INVS: variants seen among roughly 807,000 people sequenced by gnomAD.
INVS encodes inversion of embryo turning homolog.
In INVS, 86 loss-of-function variants were observed where a neutral mutation model predicts 108.8. The observed-to-expected ratio is 0.79, with a 90% CI of 0.66 to 0.95. The LOEUF is 0.95. INVS is among the 40% of genes least tolerant of loss of function. The pLI is 0.00. For missense variants in INVS, 1,169 were observed against 1,297.4 expected (o/e 0.90, Z 1.52); for synonymous variants, 455 against 473.5 (o/e 0.96, Z 0.51).
At chr9:100,124,965 G>C (rs1827839553) in intron 2 of INVS, among the ~76,000 whole-genome samples, 1 of 152,130 alleles carries the variant, frequency 6.6e-6, no homozygotes, top group Non-Finnish European at 1.5e-5. Context: ...AGATCTTGCA[G>C]GGCTCTTCTG....
chr9:100,159,993 C>G (rs965761660), intron 3 of INVS, among the ~76,000 whole-genome samples: 6 of 152,134 alleles, frequency 3.9e-5, no homozygotes. Context: ...TGATTTCTAA[C>G]CAGGGTAGCC....
chr9:100,104,687 G>T lies in INVS; in HGVS notation c.106+60G>T, dbSNP rs531697513. On this transcript the variant is annotated intron_variant, in intron 2 of 16. Coordinates refer to ENST00000262457, the MANE Select transcript of INVS (RefSeq NM_014425.5). ...GCAACTGTTTGTCCTGAGGAAGTTT[G>T]TTAATGTTAGTTTTAATTTGCAATG... The T allele has an allele frequency of 6.4e-6, 7 of 1,100,084 alleles. No homozygotes were observed. In the African/African-American group the frequency reaches 7.7e-5, roughly 12 times the overall value. 68.1% of individuals were successfully genotyped at this position (1,100,084 alleles called of 1,614,324 possible). A position where few individuals can be genotyped will look rare whatever the true frequency, so the allele number is the denominator to read the frequency against.
At chr9:100,189,036 T>G (rs1245374237) in intron 3 of INVS, among the ~76,000 whole-genome samples, 1 of 151,834 alleles carries the variant, frequency 6.6e-6, no homozygotes, top group African/African-American at 2.4e-5. Flanking sequence ...GATGTCTTTT[T>G]GTATTTCTGT....
intron 3 of INVS, among the ~76,000 whole-genome samples, chr9:100,156,931 CAT>C (rs35535555): frequency 1.6e-5 from 2 of 124,552 alleles, no homozygotes; most frequent in Non-Finnish European, 3.4e-5. Context: ...TGTATATATA[CAT>C]ATATATATAT....
chr9:100,293,997 G>A (rs915452343), intron 14 of INVS, among the ~76,000 whole-genome samples: 1 of 152,060 alleles, frequency 6.6e-6, no homozygotes. Context: ...GCCAAACTCC[G>A]TCTCTACAAA....
At chr9:100,240,757 T>C (rs1184319006) in intron 6 of INVS, among the ~76,000 whole-genome samples, 3 of 152,156 alleles carry the variant, frequency 2.0e-5, no homozygotes, top group African/African-American at 7.2e-5. Context: ...TACCCATTAA[T>C]AGTCATTGTT....
At chr9:100,161,364 CAAAAAAAAAAAAAAAAAAA>C (rs35392930) in intron 3 of INVS, among the ~76,000 whole-genome samples, 6 of 12,370 alleles carry the variant, frequency 4.9e-4, no homozygotes, top group Non-Finnish European at 9.5e-4. Context: ...ACTTCCATCT[CAAAAAAAAAAAAAAAAAAA>C]AAAAAAAAAC....
intron 5 of INVS, among the ~76,000 whole-genome samples, chr9:100,236,176 G>A (rs1211420096): frequency 6.6e-6 from 1 of 152,046 alleles, no homozygotes; most frequent in African/African-American, 2.4e-5. Flanking sequence ...TATGCTTCAC[G>A]AAGTTCTCGT....
Position 100,108,998 on chromosome 9 carries a change from TA to T in INVS, c.106+4372del, listed in dbSNP as rs1336712834. Among the ~76,000 whole-genome samples, 3 of 152,366 alleles carry T rather than the reference TA, an allele frequency of 2.0e-5. No individual in the cohort carries two copies. In the East Asian group the frequency reaches 5.8e-4, roughly 29 times the overall value. On this transcript the variant is annotated intron_variant, in intron 2 of 16. Transcript: ENST00000262457. The stretch of plus-strand genomic sequence containing the variant: ...CATACATAGTAAAATCTGAATATGC[TA>T]TGGTTCTCATTTATAGATATTTAGC...
chr9:100,253,683 C>T (rs370698788), intron 10 of INVS, among the ~76,000 whole-genome samples: 4 of 151,974 alleles, frequency 2.6e-5, no homozygotes, highest in Admixed American at 1.3e-4. Flanking sequence ...TCTGTCCTTG[C>T]GATAGTTTGC....
At position 100,100,920 on chromosome 9, in the gene INVS, A is replaced by G. The variant is rs1247910226; in HGVS notation, c.-25+1504A>G. On this transcript the variant is annotated intron_variant, in intron 1 of 16. Coordinates refer to ENST00000262457, the MANE Select transcript of INVS (RefSeq NM_014425.5). Reference sequence around the variant, plus strand: ...TTATATATGTATATATATTATATGTATATATATAATATATATAATATATAT... The same window carrying G: ...TTATATATGTATATATATTATATGTGTATATATAATATATATAATATATAT... 7.3e-4 allele frequency among the ~76,000 whole-genome samples: 15 copies of G among 20,508 alleles called. 1 individual carries two copies. The highest frequency in any genetic ancestry group is 6.9e-3 in the African/African-American group (14 of 2,018). 13.5% of individuals were successfully genotyped at this position (20,508 alleles called of 152,430 possible).
At chr9:100,203,072 C>G (rs1048085027) in intron 3 of INVS, among the ~76,000 whole-genome samples, 5 of 152,152 alleles carry the variant, frequency 3.3e-5, no homozygotes, top group Non-Finnish European at 5.9e-5. Context: ...CCATAGCTCT[C>G]AGCAAATTAT....
rs1274330996 is a variant in INVS, at chr9:100,104,526, A to C, written c.5A>C (p.Asn2Thr). The C allele has an allele frequency of 6.2e-7, 1 of 1,613,086 alleles. No homozygotes were observed. Among genetic ancestry groups the C allele is most frequent in the Non-Finnish European group, 8.5e-7 (1 of 1,179,066 alleles). Residue 2 changes from asparagine to threonine, a missense_variant, in exon 2 of 17, where the codon AAC becomes ACC. By Grantham distance (65) the Asn-to-Thr change is moderately conservative (BLOSUM62 0). Transcript: ENST00000262457. The stretch of plus-strand genomic sequence containing the variant: ...GCTCCGGTTGCTAAGAAGACTATGA[A>C]CAAGTCAGAGAACCTGCTGTTTGCT... Reference protein sequence around the residue: MNKSENLLFAGS... With the variant: MTKSENLLFAGS...
intron 3 of INVS, among the ~76,000 whole-genome samples, chr9:100,199,869 A>G (rs1035731146): frequency 1.3e-5 from 2 of 152,138 alleles, no homozygotes; most frequent in African/African-American, 4.8e-5. Context: ...CCAAATTTAA[A>G]TCATTTCTCA....
chr9:100,195,179 G>A (rs1324483296), intron 3 of INVS, among the ~76,000 whole-genome samples: 1 of 152,090 alleles, frequency 6.6e-6, no homozygotes, highest in Admixed American at 6.5e-5. Context: ...GGAGCTGAGA[G>A]GCAAAAAACT....
intron 16 of INVS, among the ~76,000 whole-genome samples, chr9:100,299,555 A>AAC (rs55800849): frequency 0.03 from 3,797 of 125,424 alleles, 119 homozygotes; most frequent in African/African-American, 0.055. Context: ...ATTGACACAC[A>AAC]ACACACACAC....
intron 3 of INVS, among the ~76,000 whole-genome samples, chr9:100,199,663 G>A (rs1323669735): frequency 1.3e-5 from 2 of 152,100 alleles, no homozygotes; most frequent in East Asian, 3.9e-4. Context: ...CATCGGTTCC[G>A]ATGAGAAGTA....
At chr9:100,250,289 T>G (rs1832188006) in intron 8 of INVS, among the ~76,000 whole-genome samples, 1 of 152,154 alleles carries the variant, frequency 6.6e-6, no homozygotes, top group African/African-American at 2.4e-5. Context: ...GCTTCAACAA[T>G]TATCAATACG....
chr9:100,164,531 G>A (rs1222762767), intron 3 of INVS, among the ~76,000 whole-genome samples: 1 of 152,054 alleles, frequency 6.6e-6, no homozygotes, highest in Non-Finnish European at 1.5e-5. Flanking sequence ...ACCAGGTCAT[G>A]CTAATCTTAT....
Sources: allele counts gnomAD v4.1 joint callset (sites outside exome capture counted in the v4.1 genomes callset), GRCh38; gene constraint gnomAD v4.1.1; transcripts MANE v1.5; gene names NCBI Gene and HGNC (gene_info 2026-07-23, HGNC 2026-07-21).